The following PLEC variants were observed in gnomAD, a reference collection of about 807,000 sequenced individuals.
PLEC encodes plectin.
A neutral mutation model predicts 392.8 loss-of-function variants in PLEC; 216 were observed. The ratio of observed to expected loss-of-function variants is 0.55; its 90% confidence interval spans 0.49 to 0.62. The LOEUF (loss-of-function observed/expected upper bound fraction) is 0.62. Among genes scored for constraint, PLEC ranks in the 20% least tolerant of loss-of-function variants. The pLI is 0.00. For missense variants in PLEC, 6,863 were observed against 6,563.4 expected (o/e 1.05, Z -1.58); for synonymous variants, 3,621 against 2,980.6 (o/e 1.21, Z -7.00).
At chr8:143,968,970 T>C (rs1171117715) in intron 1 of PLEC, among the ~76,000 whole-genome samples, 3 of 152,192 alleles carry the variant, frequency 2.0e-5, no homozygotes, top group Non-Finnish European at 4.4e-5. Flanking sequence ...TGGTTAAATA[T>C]AGAATTACCA....
rs556835796 is a variant in PLEC, at chr8:143,938,378, C to T, written c.175-138G>A. On this transcript the variant is annotated intron_variant, in intron 2 of 31. Transcript: ENST00000345136. ...GTCTCCCGGGAGCCCACGGAACACA[C>T]CCTGCCCCACGGAGGCACCTACCTC... 1.5e-4 allele frequency: 228 copies of T among 1,531,998 alleles called. 3 individuals are homozygous for T. The East Asian group carries it at 5.5e-3, about 37-fold the overall frequency. The allele number at this position is 1,531,998 out of a possible 1,614,324, so 94.9% of individuals were successfully genotyped here. A position where few individuals can be genotyped will look rare whatever the true frequency, so the allele number is the denominator to read the frequency against.
In PLEC at chr8:143,920,827, C is replaced by T. The variant is rs373507135; in HGVS notation, c.8994G>A (p.Gln2998=). The change falls in exon 32 of 32, where the codon CAG becomes CAA. Residue 2998 remains glutamine, a synonymous_variant. Coordinates refer to ENST00000345136, the MANE Select transcript of PLEC (RefSeq NM_201384.3). ...ESRVIDRELY[Q]QLQRGERSVR... ...CAGAGCGCTCACCTCGCTGCAGCTGCTGGTAGAGCTCGCGGTCGATGACCC... is the reference window on the plus strand; with the variant it reads ...CAGAGCGCTCACCTCGCTGCAGCTGTTGGTAGAGCTCGCGGTCGATGACCC... 1.2e-6 allele frequency: 2 copies of T among 1,608,692 alleles called. No individual in the cohort carries two copies. Among genetic ancestry groups the T allele is most frequent in the South Asian group, 2.2e-5 (2 of 91,074 alleles).
At chr8:143,960,784 G>A (rs1431677048) in intron 1 of PLEC, among the ~76,000 whole-genome samples, 1 of 152,204 alleles carries the variant, frequency 6.6e-6, no homozygotes, top group Non-Finnish European at 1.5e-5. Flanking sequence ...CACACACACA[G>A]TGTGAAAATC....
At position 143,936,144 on chromosome 8, in the gene PLEC, A is replaced by G. The variant is rs1042807828; in HGVS notation, c.436-130T>C. 61 of 988,900 alleles carry G rather than the reference A, an allele frequency of 6.2e-5. No homozygotes were observed. The South Asian group carries it at 8.1e-4, about 13-fold the overall frequency. 61.3% of individuals were successfully genotyped at this position (988,900 alleles called of 1,614,324 possible). A position where few individuals can be genotyped will look rare whatever the true frequency, so the allele number is the denominator to read the frequency against. On this transcript the variant is annotated intron_variant, in intron 5 of 31. Coordinates refer to ENST00000345136, the MANE Select transcript of PLEC (RefSeq NM_201384.3). ...AGTGCATGGGGCCACCAAACCAGCCAGGGCAGCACCGGGCTCCAGGGCCCT... is the reference window on the plus strand; with the variant it reads ...AGTGCATGGGGCCACCAAACCAGCCGGGGCAGCACCGGGCTCCAGGGCCCT...
chr8:143,934,295 T>C (rs781993823), intron 11 of PLEC, 23 bp downstream of exon 11: 13 of 1,610,244 alleles, frequency 8.1e-6, no homozygotes, highest in Non-Finnish European at 1.1e-5. Context: ...GTGGTTCCCC[T>C]GCCACCACAG....
chr8:143,921,372 C>T lies in PLEC; in HGVS notation c.8449G>A (p.Asp2817Asn), dbSNP rs1184467826. 1.1e-5 allele frequency: 18 copies of T among 1,613,374 alleles called. No individual in the cohort carries two copies. Among genetic ancestry groups the T allele is most frequent in the South Asian group, 2.2e-5 (2 of 91,020 alleles). Reference sequence around the variant, plus strand: ...GGCACGCGGTGGCTGTGCACGGGGTCGATAACGCCGCCCGTGGCGATCTGG... The same window carrying T: ...GGCACGCGGTGGCTGTGCACGGGGTTGATAACGCCGCCCGTGGCGATCTGG... The part of the protein sequence containing the change: ...EAQIATGGVI[D>N]PVHSHRVPVD... The change falls in exon 32 of 32, where the codon GAC (aspartate) becomes AAC (asparagine). Residue 2817 changes from aspartate to asparagine, a missense_variant. Transcript: ENST00000345136.
At chr8:143,975,369 T>C, upstream of PLEC, 1 of 1,607,406 alleles carries the variant, frequency 6.2e-7, no homozygotes, top group Non-Finnish European at 8.5e-7. The surrounding 1 kb of genome is among the most constrained non-coding windows in gnomAD (Gnocchi z 9.9). Flanking sequence ...TCACCCGACA[T>C]GGCCTCCTGG....
At chr8:143,959,876 G>A (rs1346218671) in intron 1 of PLEC, among the ~76,000 whole-genome samples, 2 of 151,962 alleles carry the variant, frequency 1.3e-5, no homozygotes, top group African/African-American at 4.8e-5. Context: ...GGCGCCTGTA[G>A]TCCCAGCTAC....
intron 1 of PLEC, among the ~76,000 whole-genome samples, chr8:143,972,639 C>G (rs1287756951): frequency 6.6e-6 from 1 of 152,358 alleles, no homozygotes. Flanking sequence ...AGCTCAGTCC[C>G]TTGCTCCTAA....
intron 12 of PLEC, 125 bp downstream of exon 12, chr8:143,933,873 C>CGCCCCTGCCCCT: frequency 2.6e-6 from 2 of 783,644 alleles, no homozygotes; most frequent in Non-Finnish European, 4.2e-6. Context: ...CCACATGCCC[C>CGCCCCTGCCCCT]GCCCCTGCCC....
upstream of PLEC, among the ~76,000 whole-genome samples, chr8:143,939,879 G>A (rs1282410248): frequency 6.6e-6 from 1 of 152,198 alleles, no homozygotes. Context: ...AACACAGGCC[G>A]TCCCCACAGC....
chr8:143,925,899 G>A lies in PLEC; in HGVS notation c.4045-15C>T. The A allele has an allele frequency of 6.5e-7, 1 of 1,537,266 alleles. No individual in the cohort carries two copies. Among genetic ancestry groups the A allele is most frequent in the Admixed American group, 1.9e-5 (1 of 51,388 alleles). On this transcript the variant is annotated splice_polypyrimidine_tract_variant and intron_variant, in intron 30 of 31. Transcript: ENST00000345136. ...TCAGCCAGCCTCTGTGGCCACAGCAGAGAGAAGAAGAGAAGCAGAGAGAGT... is the reference window on the plus strand; with the variant it reads ...TCAGCCAGCCTCTGTGGCCACAGCAAAGAGAAGAAGAGAAGCAGAGAGAGT...
intron 8 of PLEC, 35 bp from the exon 9 acceptor site, chr8:143,934,964 C>G: frequency 6.2e-7 from 1 of 1,610,550 alleles, no homozygotes; most frequent in Non-Finnish European, 8.5e-7. Flanking sequence ...CAGGGGTCGT[C>G]GGGGCGTCCA....
At position 143,925,226 on chromosome 8, in the gene PLEC, T is replaced by C. The variant is rs781894367; in HGVS notation, c.4703A>G (p.Glu1568Gly). The change falls in exon 31 of 32, where the codon GAG (glutamate) becomes GGG (glycine). Residue 1568 changes from glutamate to glycine, a missense_variant. By Grantham distance (98) the Glu-to-Gly change is moderately conservative. Coordinates refer to ENST00000345136, the MANE Select transcript of PLEC (RefSeq NM_201384.3). The stretch of plus-strand genomic sequence containing the variant: ...CGCCTCTGCACTGCGCTGCGCCGTC[T>C]CCAGGGCCACCTGTACCTGCCGCGC... The part of the protein sequence containing the change: ...ERARQVQVAL[E>G]TAQRSAEAEL... 2 of 1,588,252 alleles carry C rather than the reference T, an allele frequency of 1.3e-6. No homozygotes were observed. The highest frequency in any genetic ancestry group is 1.7e-6 in the Non-Finnish European group (2 of 1,175,380).
chr8:143,975,860 CT>C (rs1833643743), upstream of PLEC, among the ~76,000 whole-genome samples: 1 of 152,142 alleles, frequency 6.6e-6, no homozygotes, highest in Non-Finnish European at 1.5e-5. This position sits in a 1 kb window ranked among gnomAD's most constrained non-coding sequence, Gnocchi z 9.9. Context: ...CCGGCCTCCA[CT>C]GCCTCCATCC....
At chr8:143,975,221 C>T, upstream of PLEC, 1 of 1,604,730 alleles carries the variant, frequency 6.2e-7, no homozygotes. This position sits in a 1 kb window ranked among gnomAD's most constrained non-coding sequence, Gnocchi z 9.9. Flanking sequence ...CAGGACACTC[C>T]CGTTGCTCCC....
At chr8:143,953,446 G>A (rs532500876), upstream of PLEC, among the ~76,000 whole-genome samples, 5 of 146,588 alleles carry the variant, frequency 3.4e-5, no homozygotes, top group South Asian at 1.0e-3. Flanking sequence ...CCCTGTCCCC[G>A]CCCCGCCGCC....
In PLEC at chr8:143,918,717, G is replaced by T; in HGVS notation, c.11104C>A (p.Gln3702Lys). The change falls in exon 32 of 32, where the codon CAG becomes AAG. Residue 3702 changes from glutamine to lysine, a missense_variant. By Grantham distance (53) the Gln-to-Lys change is moderately conservative. Transcript: ENST00000345136. Reference protein sequence around the residue: ...VAGVYLPGSRQTLSIYQALKK... With the variant: ...VAGVYLPGSRKTLSIYQALKK... ...AGAGCCTGGTAGATGCTCAGTGTCT[G>T]CCTGGAACCGGGCAGGTAGACACCA... The T allele has an allele frequency of 1.2e-6, 2 of 1,612,990 alleles. No individual in the cohort carries two copies. The highest frequency in any genetic ancestry group is 1.7e-6 in the Non-Finnish European group (2 of 1,180,014).
intron 6 of PLEC, among the ~76,000 whole-genome samples, chr8:143,935,621 G>C (rs1210912470): frequency 6.6e-6 from 1 of 152,270 alleles, no homozygotes; most frequent in Middle Eastern, 3.4e-3. Flanking sequence ...ACCTGGCTGT[G>C]AGGACCAGCA....
Sources: allele counts gnomAD v4.1 joint callset (sites outside exome capture counted in the v4.1 genomes callset), GRCh38; gene constraint gnomAD v4.1.1; non-coding constraint Gnocchi (gnomAD v3.1); transcripts MANE v1.5; gene names NCBI Gene and HGNC (gene_info 2026-07-23, HGNC 2026-07-21).